Variants in SLC12A7 observed in about 807,000 individuals in gnomAD.
The protein encoded by SLC12A7 is solute carrier family 12 member 7.
A neutral mutation model predicts 120.6 loss-of-function variants in SLC12A7; 100 were observed. That is an observed-to-expected ratio of 0.83 (90% CI 0.71 to 0.98). The LOEUF is 0.98. Ranked by LOEUF, SLC12A7 falls within the 50% of genes least tolerant of loss-of-function variation. The pLI is 0.00. For synonymous variants in SLC12A7, 760 were observed against 678.0 expected (o/e 1.12, Z -1.88); for missense variants, 1,373 against 1,548.1 (o/e 0.89, Z 1.90).
At chr5:1,106,451 CAAAAAAAA>C (rs36005053) in intron 1 of SLC12A7, among the ~76,000 whole-genome samples, 5 of 81,842 alleles carry the variant, frequency 6.1e-5, no homozygotes, top group African/African-American at 1.0e-4. Flanking sequence ...AACTCTGTCT[CAAAAAAAA>C]AAAAAAAAAA....
At chr5:1,063,487 C>T (rs1169446164) in intron 20 of SLC12A7, among the ~76,000 whole-genome samples, 3 of 152,156 alleles carry the variant, frequency 2.0e-5, no homozygotes, top group African/African-American at 4.8e-5. Flanking sequence ...CCGTGTTACA[C>T]GAGGTGTCCA....
chr5:1,097,897 G>A (rs1231475794), intron 1 of SLC12A7, among the ~76,000 whole-genome samples: 2 of 151,894 alleles, frequency 1.3e-5, no homozygotes, highest in East Asian at 3.9e-4. Flanking sequence ...GCCACAGCAA[G>A]CGTGCTCTCA....
intron 1 of SLC12A7, among the ~76,000 whole-genome samples, chr5:1,098,964 C>T (rs1741692912): frequency 6.6e-6 from 1 of 152,004 alleles, no homozygotes; most frequent in Non-Finnish European, 1.5e-5. Context: ...TCATTCTGCA[C>T]ATTCATGATG....
At chr5:1,151,009 T>A in the SLC12A7 span, among the ~76,000 whole-genome samples, 1 of 152,174 alleles carries the variant, frequency 6.6e-6, no homozygotes, top group African/African-American at 2.4e-5. This position sits in a 1 kb window ranked among gnomAD's most constrained non-coding sequence, Gnocchi z 6.2. Context: ...GGCAGCCCAC[T>A]CTCCTGTGGT....
chr5:1,109,954 A>C (rs1742868677), intron 1 of SLC12A7, among the ~76,000 whole-genome samples: 1 of 152,192 alleles, frequency 6.6e-6, no homozygotes, highest in African/African-American at 2.4e-5. Flanking sequence ...CCCCACACAG[A>C]AGGCCTTTGG....
At chr5:1,132,242 G>A in the SLC12A7 span, among the ~76,000 whole-genome samples, 12 of 152,084 alleles carry the variant, frequency 7.9e-5, no homozygotes, top group Non-Finnish European at 1.3e-4. Context: ...CAGAGGCCAC[G>A]GCAACGTCGG....
Position 1,076,483 on chromosome 5 carries a change from C to G in SLC12A7, c.1748+211G>C, listed in dbSNP as rs75871845. Among the ~76,000 whole-genome samples the G allele has an allele frequency of 2.9e-3, 398 of 135,564 alleles. 3 individuals are homozygous for G. The highest frequency in any genetic ancestry group is 0.017 in the South Asian group (71 of 4,136). 88.9% of individuals were successfully genotyped at this position (135,564 alleles called of 152,430 possible). Reference sequence around the variant, plus strand: ...CCTTCCCCAGCAGCCGTCTGTCCAGCCACACTGTCCCTGGCTGACCCCAGC... The same window carrying G: ...CCTTCCCCAGCAGCCGTCTGTCCAGGCACACTGTCCCTGGCTGACCCCAGC... On this transcript the variant is annotated intron_variant, in intron 13 of 23. Transcript: ENST00000264930.
chr5:1,082,117 T>C (rs1739214085), intron 8 of SLC12A7, among the ~76,000 whole-genome samples: 1 of 137,814 alleles, frequency 7.3e-6, no homozygotes, highest in East Asian at 2.4e-4. Flanking sequence ...TTCTGGAAAG[T>C]CCGGGCTTCC....
chr5:1,099,176 C>A (rs989184421), intron 1 of SLC12A7, among the ~76,000 whole-genome samples: 2 of 152,194 alleles, frequency 1.3e-5, no homozygotes, highest in Non-Finnish European at 2.9e-5. Context: ...GCCCAACAAC[C>A]CAGATCAGGT....
intron 23 of SLC12A7, 89 bp from the exon 24 acceptor site, chr5:1,052,540 G>C: frequency 8.9e-7 from 1 of 1,120,592 alleles, no homozygotes; most frequent in South Asian, 1.3e-5. Flanking sequence ...TCCTCTCCTG[G>C]TTAGCTAAGA....
chr5:1,052,795 C>T (rs545869013), intron 23 of SLC12A7, among the ~76,000 whole-genome samples: 2 of 152,336 alleles, frequency 1.3e-5, no homozygotes, highest in South Asian at 2.1e-4. Flanking sequence ...CCACGGATTC[C>T]GATCAGGACG....
the SLC12A7 span, among the ~76,000 whole-genome samples, chr5:1,152,124 C>T: frequency 2.0e-5 from 3 of 152,080 alleles, no homozygotes; most frequent in Non-Finnish European, 4.4e-5. Flanking sequence ...CCCTCCCCTC[C>T]CCTCTCCTTT....
rs564505919 is a variant in SLC12A7, at chr5:1,091,952, G to A, written c.342+1581C>T. 3.2e-4 allele frequency among the ~76,000 whole-genome samples: 48 copies of A among 152,264 alleles called. No homozygotes were observed. The South Asian group carries it at 4.4e-3, about 14-fold the overall frequency. On this transcript the variant is annotated intron_variant, in intron 3 of 23. Coordinates refer to ENST00000264930, the MANE Select transcript of SLC12A7 (RefSeq NM_006598.3). ...GGGGCGGCCACAAGCTCCCCGAGCCGGGAAGGACCCAGCAGGGGAACCAGA... is the reference window on the plus strand; with the variant it reads ...GGGGCGGCCACAAGCTCCCCGAGCCAGGAAGGACCCAGCAGGGGAACCAGA...
At chr5:1,103,718 A>T (rs1416853835) in intron 1 of SLC12A7, among the ~76,000 whole-genome samples, 1 of 152,258 alleles carries the variant, frequency 6.6e-6, no homozygotes, top group Non-Finnish European at 1.5e-5. Context: ...TACAGCCCCC[A>T]GACTGCACGA....
the SLC12A7 span, among the ~76,000 whole-genome samples, chr5:1,129,731 A>G: frequency 6.6e-6 from 1 of 152,156 alleles, no homozygotes; most frequent in Non-Finnish European, 1.5e-5. Flanking sequence ...CCCTGATGGG[A>G]TGTAATTTCT....
the SLC12A7 span, among the ~76,000 whole-genome samples, chr5:1,125,814 A>G: frequency 6.6e-6 from 1 of 151,024 alleles, no homozygotes. Context: ...AATCCCAGCT[A>G]CTCAGGAGAC....
At chr5:1,062,000 G>C (rs527773931) in intron 20 of SLC12A7, among the ~76,000 whole-genome samples, 1 of 152,206 alleles carries the variant, frequency 6.6e-6, no homozygotes, top group African/African-American at 2.4e-5. Context: ...CCCCTCTCCA[G>C]CCAGGTGGCA....
chr5:1,144,007 G>A, the SLC12A7 span, among the ~76,000 whole-genome samples: 3 of 152,266 alleles, frequency 2.0e-5, no homozygotes, highest in South Asian at 2.1e-4. Context: ...TGGCTGGCTC[G>A]GGCGGCTGTC....
At chr5:1,092,664 C>G (rs1237031462) in intron 3 of SLC12A7, among the ~76,000 whole-genome samples, 1 of 152,180 alleles carries the variant, frequency 6.6e-6, no homozygotes, top group African/African-American at 2.4e-5. Flanking sequence ...TGTGTCAAGA[C>G]TGGGGGAGGC....
Sources: allele counts gnomAD v4.1 joint callset (sites outside exome capture counted in the v4.1 genomes callset), GRCh38; gene constraint gnomAD v4.1.1; non-coding constraint Gnocchi (gnomAD v3.1); transcripts MANE v1.5; gene names NCBI Gene and HGNC (gene_info 2026-07-23, HGNC 2026-07-21).